The following PCDHGA8 variants were observed in gnomAD, a reference collection of about 807,000 sequenced individuals.
The protein encoded by PCDHGA8 is protocadherin gamma subfamily A, 8.
Under a neutral mutation model 59.2 loss-of-function variants are expected in PCDHGA8, and 45 were observed. That is an observed-to-expected ratio of 0.76 (90% CI 0.60 to 0.98). The LOEUF is 0.98. Ranked by LOEUF, PCDHGA8 falls within the 50% of genes least tolerant of loss-of-function variation. PCDHGA8 has a pLI of 0.00. For missense variants in PCDHGA8, 1,257 were observed against 1,196.2 expected (o/e 1.05, Z -0.75); for synonymous variants, 531 against 519.0 (o/e 1.02, Z -0.32).
chr5:141,469,404 G>A (rs1439441297), intron 1 of PCDHGA8, among the ~76,000 whole-genome samples: 7 of 151,874 alleles, frequency 4.6e-5, no homozygotes, highest in African/African-American at 1.5e-4. Flanking sequence ...GTGAAACCCC[G>A]TTTCTACTAA....
At chr5:141,435,054 C>A (rs891988253) in intron 1 of PCDHGA8, among the ~76,000 whole-genome samples, 7 of 151,964 alleles carry the variant, frequency 4.6e-5, no homozygotes, top group Admixed American at 1.3e-4. Context: ...ATTGACCATG[C>A]AGCAGTTTTG....
intron 1 of PCDHGA8, among the ~76,000 whole-genome samples, chr5:141,407,092 T>C (rs917246877): frequency 1.3e-5 from 2 of 152,360 alleles, no homozygotes; most frequent in Admixed American, 6.5e-5. Context: ...AGAATTGTTT[T>C]ATTTGTTTGT....
Position 141,431,303 on chromosome 5 carries a change from G to A in PCDHGA8, c.2424+36066G>A, listed in dbSNP as rs777784010. 2 of 1,613,942 alleles carry A rather than the reference G, an allele frequency of 1.2e-6. No homozygotes were observed. The highest frequency in any genetic ancestry group is 2.7e-5 in the African/African-American group (2 of 74,916). ...CCCGAACACTCACTTCTCCCTCATC[G>A]TGCAAAATGGAGCCGACGGTAGTAA... On this transcript the variant is annotated intron_variant, in intron 1 of 3. Transcript: ENST00000398604. The surrounding 1 kb of genome is among the most constrained non-coding windows in gnomAD (Gnocchi z 4.8).
rs761396116 is a variant in PCDHGA8 at position 141,409,790 on chromosome 5, C to T, written c.2424+14553C>T. 4 of 1,612,010 alleles carry T rather than the reference C, an allele frequency of 2.5e-6. No homozygotes were observed. The Admixed American group carries it at 5.0e-5, about 20-fold the overall frequency. ...TCACGAGCAGCTGCGCGCCTTCGCGCTCACGCTGCAGGCCCGCGACCACGG... is the reference window on the plus strand; with the variant it reads ...TCACGAGCAGCTGCGCGCCTTCGCGTTCACGCTGCAGGCCCGCGACCACGG... On this transcript the variant is annotated intron_variant, in intron 1 of 3. Transcript: ENST00000398604.
intron 2 of PCDHGA8, among the ~76,000 whole-genome samples, chr5:141,501,761 G>C (rs906778888): frequency 2.6e-5 from 4 of 152,090 alleles, no homozygotes; most frequent in African/African-American, 4.8e-5. Flanking sequence ...CTCAGTAAAT[G>C]GTTAAAAAAG....
In PCDHGA8 at chr5:141,486,334, C is replaced by T; in HGVS notation, c.2425-8473C>T. 1.2e-6 allele frequency: 2 copies of T among 1,614,098 alleles called. No individual in the cohort carries two copies. ...CAGGGTCAAACGGAGATGTGAGCCT[C>T]CGCATTCCTGACCACTTGCCATTTG... On this transcript the variant is annotated intron_variant, in intron 1 of 3. Coordinates refer to ENST00000398604, the MANE Select transcript of PCDHGA8 (RefSeq NM_032088.2). This position sits in a 1 kb window ranked among gnomAD's most constrained non-coding sequence, Gnocchi z 5.0.
chr5:141,485,106 T>C lies in PCDHGA8; in HGVS notation c.2425-9701T>C, dbSNP rs2099607051. The C allele has an allele frequency of 3.3e-6, 4 of 1,206,448 alleles. No homozygotes were observed. Among genetic ancestry groups the C allele is most frequent in the Non-Finnish European group, 4.8e-6 (4 of 828,284 alleles). 74.7% of individuals were successfully genotyped at this position (1,206,448 alleles called of 1,614,324 possible). ...GGGAGATAGGTGTCTCCAGCTGCTGTGGCTGTTTGGGGCGGGTCGGCTTCA... is the reference window on the plus strand; with the variant it reads ...GGGAGATAGGTGTCTCCAGCTGCTGCGGCTGTTTGGGGCGGGTCGGCTTCA... On this transcript the variant is annotated intron_variant, in intron 1 of 3. Coordinates refer to ENST00000398604, the MANE Select transcript of PCDHGA8 (RefSeq NM_032088.2). This position sits in a 1 kb window ranked among gnomAD's most constrained non-coding sequence, Gnocchi z 5.7.
chr5:141,508,961 A>G (rs991011427), intron 3 of PCDHGA8, among the ~76,000 whole-genome samples: 2 of 151,978 alleles, frequency 1.3e-5, no homozygotes, highest in Non-Finnish European at 2.9e-5. Flanking sequence ...TGTCAGCGGA[A>G]TGAAAGGGCT....
At chr5:141,478,279 G>A (rs2099443292) in intron 1 of PCDHGA8, 1 of 1,614,202 alleles carries the variant, frequency 6.2e-7, no homozygotes, top group Middle Eastern at 1.6e-4. Context: ...ACAAGTGGAA[G>A]CAGTCTAGAG....
At chr5:141,456,635 A>G (rs558958846) in intron 1 of PCDHGA8, among the ~76,000 whole-genome samples, 17 of 152,194 alleles carry the variant, frequency 1.1e-4, no homozygotes, top group Non-Finnish European at 2.2e-4. Context: ...CTTCTTTACT[A>G]CAGGTGTTAA....
chr5:141,408,717 T>C lies in PCDHGA8; in HGVS notation c.2424+13480T>C, dbSNP rs774691298. ...ATAAACTCAATTAAAGATTATAAGA[T>C]AAACTCTAATCCTTATTTTTCATTA... is the stretch of plus-strand genomic sequence containing the variant. On this transcript the variant is annotated intron_variant, in intron 1 of 3. Transcript: ENST00000398604. The C allele has an allele frequency of 1.9e-6, 3 of 1,611,662 alleles. No individual in the cohort carries two copies. In the South Asian group the frequency reaches 3.3e-5, roughly 18 times the overall value.
At position 141,393,542 on chromosome 5, in the gene PCDHGA8, T is replaced by A; in HGVS notation, c.729T>A (p.Pro243=). The A allele has an allele frequency of 1.9e-6, 3 of 1,613,964 alleles. No homozygotes were observed. The highest frequency in any genetic ancestry group is 2.5e-6 in the Non-Finnish European group (3 of 1,179,900). The change falls in exon 1 of 4, where the codon CCT becomes CCA. Residue 243 remains proline, a synonymous_variant. Transcript: ENST00000398604. ...CAAATGACAATGCCCCGGTTTTTCC[T>A]CACCCGATTTACCGAGTGAAAGTCC... ...LDTNDNAPVF[P]HPIYRVKVLE...
chr5:141,444,594 T>C (rs2098442338), intron 1 of PCDHGA8, among the ~76,000 whole-genome samples: 1 of 152,244 alleles, frequency 6.6e-6, no homozygotes, highest in South Asian at 2.1e-4. Flanking sequence ...ACTTACCTTA[T>C]TTAAAATTGA....
intron 1 of PCDHGA8, among the ~76,000 whole-genome samples, chr5:141,446,065 G>T (rs1285093512): frequency 2.0e-5 from 3 of 152,306 alleles, no homozygotes; most frequent in African/African-American, 7.2e-5. Flanking sequence ...GATTAAAGGG[G>T]AGGCAGTGGA....
intron 1 of PCDHGA8, among the ~76,000 whole-genome samples, chr5:141,475,341 C>T (rs1306106224): frequency 6.6e-6 from 1 of 152,162 alleles, no homozygotes; most frequent in Non-Finnish European, 1.5e-5. Context: ...CAATGACATC[C>T]AGTTTTAAAA....
At position 141,408,331 on chromosome 5, in the gene PCDHGA8, G is replaced by C. The variant is rs779178317; in HGVS notation, c.2424+13094G>C. On this transcript the variant is annotated intron_variant, in intron 1 of 3. Transcript: ENST00000398604. Reference sequence around the variant, plus strand: ...ACTCGATTCCGGAGGAGCTGGCCAAGGGCTCGGTGGTGGGGAACCTCGCTA... The same window carrying C: ...ACTCGATTCCGGAGGAGCTGGCCAACGGCTCGGTGGTGGGGAACCTCGCTA... 3.1e-6 allele frequency: 5 copies of C among 1,613,932 alleles called. No individual in the cohort carries two copies. In the South Asian group the frequency reaches 5.5e-5, roughly 18 times the overall value.
At chr5:141,404,776 A>G (rs2094566348) in intron 1 of PCDHGA8, 1 of 1,612,952 alleles carries the variant, frequency 6.2e-7, no homozygotes, top group Non-Finnish European at 8.5e-7. Flanking sequence ...CCTACCGCCT[A>G]TTCAAGGCCA....
In PCDHGA8 at chr5:141,404,090, G is replaced by T. The variant is rs1014506897; in HGVS notation, c.2424+8853G>T. On this transcript the variant is annotated intron_variant, in intron 1 of 3. Transcript: ENST00000398604. ...TCATGACCGAGACTCCGGGAAGAATGGTCAAGTTGTCTGTTCTATCCAGGA... is the reference window on the plus strand; with the variant it reads ...TCATGACCGAGACTCCGGGAAGAATTGTCAAGTTGTCTGTTCTATCCAGGA... 4 of 1,613,262 alleles carry T rather than the reference G, an allele frequency of 2.5e-6. No homozygotes were observed. In the Admixed American group the frequency reaches 6.7e-5, roughly 27 times the overall value.
intron 1 of PCDHGA8, chr5:141,419,303 G>A (rs1561779463): frequency 1.2e-6 from 2 of 1,613,970 alleles, no homozygotes; most frequent in Non-Finnish European, 1.7e-6. Flanking sequence ...CCCAGACTTC[G>A]GGCTCAACGG....
Sources: allele counts gnomAD v4.1 joint callset (sites outside exome capture counted in the v4.1 genomes callset), GRCh38; gene constraint gnomAD v4.1.1; non-coding constraint Gnocchi (gnomAD v3.1); transcripts MANE v1.5; gene names NCBI Gene and HGNC (gene_info 2026-07-23, HGNC 2026-07-21).